PTK2: variants seen among roughly 807,000 people sequenced by gnomAD.
The protein encoded by PTK2 is protein tyrosine kinase 2.
A neutral mutation model predicts 150.1 loss-of-function variants in PTK2; 45 were observed. The observed-to-expected ratio is 0.30, with a 90% CI of 0.24 to 0.38. The LOEUF (loss-of-function observed/expected upper bound fraction) is 0.38. Ranked by LOEUF, PTK2 falls within the 10% of genes least tolerant of loss-of-function variation. The pLI, the probability that PTK2 is intolerant of heterozygous loss-of-function variation, is 1.00. For synonymous variants in PTK2, 432 were observed against 449.2 expected, an observed-to-expected ratio of 0.96 and a Z score of 0.48; for missense variants, 919 against 1,307.3, an observed-to-expected ratio of 0.70 and a Z score of 4.58.
intron 5 of PTK2, among the ~76,000 whole-genome samples, chr8:140,860,418 C>T (rs190084835): frequency 1.9e-3 from 290 of 152,266 alleles, no homozygotes; most frequent in Non-Finnish European, 3.3e-3. Context: ...AACTGGAGGA[C>T]GTGAACATAC....
chr8:140,889,372 G>C (rs185411115), intron 3 of PTK2, among the ~76,000 whole-genome samples: 115 of 152,202 alleles, frequency 7.6e-4, no homozygotes, highest in African/African-American at 2.4e-3. Context: ...TGGGACTATA[G>C]GCATGTGACA....
intron 23 of PTK2, 74 bp from the exon 27 acceptor site, chr8:140,706,279 G>C (rs1174509760): frequency 1.7e-6 from 2 of 1,146,868 alleles, no homozygotes; most frequent in East Asian, 2.4e-5. Context: ...AATCGAAAAA[G>C]ACATTTTCCT....
chr8:140,872,191 T>G (rs2100142945), intron 4 of PTK2, among the ~76,000 whole-genome samples: 1 of 152,050 alleles, frequency 6.6e-6, no homozygotes, highest in Non-Finnish European at 1.5e-5. Context: ...ATTACACGTG[T>G]GCACCACCAT....
Position 140,706,523 on chromosome 8 carries a change from G to A in PTK2, c.2143-318C>T, listed in dbSNP as rs575824158. Among the ~76,000 whole-genome samples, 11 of 152,250 alleles carry A rather than the reference G, an allele frequency of 7.2e-5. No homozygotes were observed. The East Asian group carries it at 1.9e-3, about 27-fold the overall frequency. The stretch of plus-strand genomic sequence containing the variant: ...AGAAGAAAACTTAAGAGTATATCTT[G>A]GGCAGGGCATGGTAGCTCATGCCTG... On this transcript the variant is annotated intron_variant, in intron 23 of 31. Coordinates refer to ENST00000522684, the Ensembl canonical transcript of PTK2.
chr8:140,784,816 T>C (rs2100083961), intron 14 of PTK2, among the ~76,000 whole-genome samples: 1 of 152,226 alleles, frequency 6.6e-6, no homozygotes, highest in Non-Finnish European at 1.5e-5. Context: ...TCTGTTAATC[T>C]TACACTTATT....
intron 1 of PTK2, among the ~76,000 whole-genome samples, chr8:140,962,150 G>A (rs1188024481): frequency 3.3e-5 from 5 of 151,570 alleles, no homozygotes; most frequent in African/African-American, 1.2e-4. Context: ...GAATCCGGGA[G>A]GTGGAGGTTG....
Position 140,980,432 on chromosome 8 carries a change from C to T in PTK2, c.-122+20693G>A, listed in dbSNP as rs2100190997. On this transcript the variant is annotated intron_variant, in intron 1 of 31. Transcript: ENST00000522684. Reference sequence around the variant, plus strand: ...GGTCAGGAGATCGAGACCATCCTGGCTAACATGGTGAAACCCCGTCTCTAC... The same window carrying T: ...GGTCAGGAGATCGAGACCATCCTGGTTAACATGGTGAAACCCCGTCTCTAC... Among the ~76,000 whole-genome samples the T allele has an allele frequency of 2.0e-5, 3 of 152,018 alleles. No individual in the cohort carries two copies. The South Asian group carries it at 6.2e-4, about 32-fold the overall frequency.
intron 8 of PTK2, among the ~76,000 whole-genome samples, chr8:140,823,600 G>T (rs945859530): frequency 6.6e-6 from 1 of 152,084 alleles, no homozygotes; most frequent in South Asian, 2.1e-4. Flanking sequence ...GGCCCTACCC[G>T]ACTGGACCCT....
In PTK2 at chr8:140,767,635, G is replaced by A. The variant is rs145943242; in HGVS notation, c.1178-3345C>T. Among the ~76,000 whole-genome samples the A allele has an allele frequency of 2.3e-3, 344 of 152,048 alleles. 5 individuals are homozygous for A. Among genetic ancestry groups the A allele is most frequent in the African/African-American group, 7.6e-3 (317 of 41,476 alleles). ...CAAATAGCTGGAACTACAGGCACGC[G>A]CCGCCATGCCTGCTAATTTCTTGTA... On this transcript the variant is annotated intron_variant, in intron 14 of 31. Coordinates refer to ENST00000522684, the Ensembl canonical transcript of PTK2.
intron 12 of PTK2, among the ~76,000 whole-genome samples, chr8:140,798,372 T>C (rs556306003): frequency 2.6e-5 from 4 of 152,182 alleles, no homozygotes; most frequent in African/African-American, 4.8e-5. Context: ...AAACATGCTA[T>C]GATTGAGAAT....
chr8:140,948,418 A>C (rs1272493732), intron 1 of PTK2, among the ~76,000 whole-genome samples: 1 of 152,214 alleles, frequency 6.6e-6, no homozygotes, highest in East Asian at 1.9e-4. Flanking sequence ...ATTTAGGGCA[A>C]TACTATCTTT....
intron 24 of PTK2, among the ~76,000 whole-genome samples, chr8:140,704,390 T>C (rs1002303407): frequency 2.0e-5 from 3 of 152,234 alleles, no homozygotes; most frequent in African/African-American, 7.2e-5. Context: ...CACACCGTTC[T>C]AAGCCCTTAG....
chr8:140,732,740 A>G (rs1369987412), intron 22 of PTK2: 1 of 326,804 alleles, frequency 3.1e-6, no homozygotes, highest in Non-Finnish European at 6.2e-6. Context: ...TGAATTGAAC[A>G]CGGGTTGCAG....
intron 10 of PTK2, among the ~76,000 whole-genome samples, chr8:140,817,723 C>T (rs1205601682): frequency 6.6e-6 from 1 of 152,136 alleles, no homozygotes; most frequent in Non-Finnish European, 1.5e-5. Context: ...AGCAGGTTCT[C>T]AATAATACTT....
intron 23 of PTK2, among the ~76,000 whole-genome samples, chr8:140,713,808 C>T (rs1037551294): frequency 6.6e-6 from 1 of 152,152 alleles, no homozygotes. Flanking sequence ...GTGATCCATA[C>T]ATATTCTTAA....
At position 140,740,655 on chromosome 8, in the gene PTK2, T is replaced by C. The variant is rs1249566530; in HGVS notation, c.1736-1548A>G. Among the ~76,000 whole-genome samples the C allele has an allele frequency of 2.6e-5, 4 of 152,374 alleles. No homozygotes were observed. In the East Asian group the frequency reaches 7.7e-4, roughly 29 times the overall value. ...AATGTTGTTCAAATGATATGAAAAT[T>C]TGGACATCATACTACTTGGAATTTA... On this transcript the variant is annotated intron_variant, in intron 20 of 31. Coordinates refer to ENST00000522684, the Ensembl canonical transcript of PTK2.
intron 1 of PTK2, among the ~76,000 whole-genome samples, chr8:140,950,682 G>A (rs1041869172): frequency 4.6e-5 from 7 of 152,212 alleles, no homozygotes; most frequent in Admixed American, 2.0e-4. Flanking sequence ...ATTTCTGGCT[G>A]GTGAAGCGGC....
intron 2 of PTK2, 71 bp from the exon 3 acceptor site, chr8:140,890,840 T>C: frequency 7.8e-7 from 1 of 1,277,644 alleles, no homozygotes; most frequent in Non-Finnish European, 1.1e-6. Context: ...GATATGTTGT[T>C]TATATCAAAT....
chr8:140,931,909 G>A, intron 1 of PTK2, among the ~76,000 whole-genome samples: 1 of 141,070 alleles, frequency 7.1e-6, no homozygotes, highest in South Asian at 2.3e-4. Context: ...CTCCAGCCTG[G>A]GCGACAGAGA....
Sources: allele counts gnomAD v4.1 joint callset (sites outside exome capture counted in the v4.1 genomes callset), GRCh38; gene constraint gnomAD v4.1.1; transcripts MANE v1.5; gene names NCBI Gene and HGNC (gene_info 2026-07-23, HGNC 2026-07-21).